The following TINAG variants were observed in gnomAD, a reference collection of about 807,000 sequenced individuals.
TINAG encodes the protein tubulointerstitial nephritis antigen.
Under a neutral mutation model 72.7 loss-of-function variants are expected in TINAG, and 83 were observed. That is an observed-to-expected ratio of 1.14 (90% CI 0.96 to 1.37). TINAG has a LOEUF of 1.37. Ranked by LOEUF, TINAG falls within the 40% of genes most tolerant of loss-of-function variation. TINAG has a pLI of 0.00. For missense variants in TINAG, 685 were observed against 576.6 expected, an observed-to-expected ratio of 1.19 and a Z score of -1.93; for synonymous variants, 234 against 189.9, an observed-to-expected ratio of 1.23 and a Z score of -1.91.
Position 54,320,660 on chromosome 6 carries a change from CACA to C in TINAG, c.419+19_419+21del. The C allele has an allele frequency of 6.3e-7, 1 of 1,593,130 alleles. No homozygotes were observed. The highest frequency in any genetic ancestry group is 8.6e-7 in the Non-Finnish European group (1 of 1,164,914). On this transcript the variant is annotated intron_variant, in intron 2 of 10. Coordinates refer to ENST00000259782, the MANE Select transcript of TINAG (RefSeq NM_014464.4). ...AACTCCTGGTAATAAATTTAAGTGG[CACA>C]GAACTGAGTTCTACTGTGTGTGTAT... is the stretch of plus-strand genomic sequence containing the variant.
At chr6:54,332,460 A>C (rs1784763820) in intron 4 of TINAG, among the ~76,000 whole-genome samples, 1 of 152,164 alleles carries the variant, frequency 6.6e-6, no homozygotes, top group African/African-American at 2.4e-5. Flanking sequence ...CTTATACAAA[A>C]ATTAACTCAA....
intron 10 of TINAG, 62 bp downstream of exon 10, chr6:54,380,633 C>T: frequency 7.6e-7 from 1 of 1,322,568 alleles, no homozygotes. Flanking sequence ...TCTTCTGTTC[C>T]TCTGCTACCT....
chr6:54,344,541 C>T (rs1480458715), intron 5 of TINAG, among the ~76,000 whole-genome samples: 1 of 152,034 alleles, frequency 6.6e-6, no homozygotes, highest in Admixed American at 6.6e-5. Flanking sequence ...AAACCGTTTG[C>T]CATTTTATAT....
chr6:54,380,772 AAT>A (rs1763922709), intron 10 of TINAG, among the ~76,000 whole-genome samples: 2 of 151,800 alleles, frequency 1.3e-5, no homozygotes. Context: ...CAGTATTTCA[AAT>A]TGTAAAAGAA....
intron 5 of TINAG, 140 bp downstream of exon 5, chr6:54,343,489 A>C: frequency 1.1e-6 from 1 of 911,316 alleles, no homozygotes. Flanking sequence ...TGATGGAAGA[A>C]AGTAACCTGA....
At chr6:54,363,956 TTAGTTGAAAATGTTTTGGTG>T (rs1763322941) in intron 9 of TINAG, among the ~76,000 whole-genome samples, 1 of 151,356 alleles carries the variant, frequency 6.6e-6, no homozygotes, top group Non-Finnish European at 1.5e-5. Context: ...GAAAATGAGG[TTAGTTGAAAATGTTTTGGTG>T]TTTAGAGTAG....
intron 9 of TINAG, among the ~76,000 whole-genome samples, chr6:54,373,353 C>T (rs548410014): frequency 5.9e-5 from 9 of 152,214 alleles, no homozygotes; most frequent in South Asian, 2.1e-4. Context: ...CTCTCAGATA[C>T]GCATTCATTT....
chr6:54,366,439 C>T (rs568808631), intron 9 of TINAG, among the ~76,000 whole-genome samples: 1 of 151,596 alleles, frequency 6.6e-6, no homozygotes, highest in South Asian at 2.1e-4. Context: ...CTTTGAACTA[C>T]ATGTTTAATA....
At chr6:54,315,454 C>T (rs576196511) in intron 1 of TINAG, among the ~76,000 whole-genome samples, 23 of 151,808 alleles carry the variant, frequency 1.5e-4, no homozygotes, top group African/African-American at 3.6e-4. Context: ...TATCTCTTGA[C>T]GGCCAAGAGT....
chr6:54,334,179 T>C (rs749223400), intron 4 of TINAG, among the ~76,000 whole-genome samples: 2 of 152,176 alleles, frequency 1.3e-5, no homozygotes, highest in South Asian at 2.1e-4. Context: ...AGTTGAGATA[T>C]TGATTGTATT....
upstream of TINAG, chr6:54,308,313 GT>G: frequency 1.5e-6 from 1 of 646,128 alleles, no homozygotes; most frequent in South Asian, 2.1e-5. Context: ...TGAAATATAA[GT>G]TTTTTAACTT....
intron 4 of TINAG, among the ~76,000 whole-genome samples, chr6:54,340,688 A>G (rs537370942): frequency 6.6e-6 from 1 of 152,282 alleles, no homozygotes; most frequent in East Asian, 1.9e-4. Context: ...AAAAATCTTG[A>G]AAATCCAACA....
intron 4 of TINAG, among the ~76,000 whole-genome samples, chr6:54,336,277 C>T (rs1784863609): frequency 6.6e-6 from 1 of 152,112 alleles, no homozygotes; most frequent in African/African-American, 2.4e-5. Flanking sequence ...TAAAGGTGTT[C>T]TTTCTCCCTT....
chr6:54,325,700 T>C (rs1784587839), intron 3 of TINAG, among the ~76,000 whole-genome samples: 1 of 152,174 alleles, frequency 6.6e-6, no homozygotes, highest in East Asian at 1.9e-4. Context: ...ACTACTAACA[T>C]AGGGCAACAA....
intron 10 of TINAG, among the ~76,000 whole-genome samples, chr6:54,383,478 A>G (rs993451358): frequency 3.3e-5 from 5 of 152,078 alleles, no homozygotes; most frequent in Non-Finnish European, 7.4e-5. Flanking sequence ...TTTTTCCAAA[A>G]TTGTGTTTTT....
At chr6:54,316,443 A>T (rs1784374346) in intron 1 of TINAG, among the ~76,000 whole-genome samples, 1 of 152,166 alleles carries the variant, frequency 6.6e-6, no homozygotes, top group African/African-American at 2.4e-5. Flanking sequence ...TTATTATACT[A>T]ATAATCTAGG....
chr6:54,375,620 A>T (rs933511333), intron 9 of TINAG, among the ~76,000 whole-genome samples: 3 of 152,140 alleles, frequency 2.0e-5, no homozygotes, highest in Non-Finnish European at 4.4e-5. Flanking sequence ...CCTCTCATTT[A>T]TTCCCTCTGC....
At chr6:54,366,061 C>G (rs568848038) in intron 9 of TINAG, among the ~76,000 whole-genome samples, 1 of 151,716 alleles carries the variant, frequency 6.6e-6, no homozygotes, top group African/African-American at 2.4e-5. Flanking sequence ...GGTAGTAGAA[C>G]TATCACTAAA....
At chr6:54,361,443 T>C (rs1351264965) in intron 9 of TINAG, among the ~76,000 whole-genome samples, 1 of 151,394 alleles carries the variant, frequency 6.6e-6, no homozygotes, top group Non-Finnish European at 1.5e-5. Flanking sequence ...CACATGGCGA[T>C]AGGAGAGAGA....
Sources: allele counts gnomAD v4.1 joint callset (sites outside exome capture counted in the v4.1 genomes callset), GRCh38; gene constraint gnomAD v4.1.1; transcripts MANE v1.5; gene names NCBI Gene and HGNC (gene_info 2026-07-23, HGNC 2026-07-21).